IPO9: variants seen among roughly 807,000 people sequenced by gnomAD.
IPO9 encodes the protein importin 9, also known as importin-9.
In IPO9, 28 loss-of-function variants were observed where a neutral mutation model predicts 128.6. The ratio of observed to expected loss-of-function variants is 0.22; its 90% confidence interval spans 0.16 to 0.30. IPO9 has a LOEUF of 0.30. Ranked by LOEUF, IPO9 falls within the 10% of genes least tolerant of loss-of-function variation. The pLI is 1.00. For missense variants in IPO9, 935 were observed against 1,293.9 expected, an observed-to-expected ratio of 0.72 and a Z score of 4.26; for synonymous variants, 455 against 475.8, an observed-to-expected ratio of 0.96 and a Z score of 0.57.
chr1:201,830,320 A>G (rs192845275), intron 1 of IPO9, among the ~76,000 whole-genome samples: 21 of 152,220 alleles, frequency 1.4e-4, no homozygotes, highest in Admixed American at 1.4e-3. Context: ...GATATGGGAA[A>G]TTGTCCCATC....
chr1:201,860,904 A>G (rs1250092350), intron 13 of IPO9, among the ~76,000 whole-genome samples: 1 of 152,230 alleles, frequency 6.6e-6, no homozygotes, highest in African/African-American at 2.4e-5. Context: ...ATGGTGGCTT[A>G]TGCCTGTAAC....
At chr1:201,875,864 C>A in intron 23 of IPO9, 80 bp from the exon 24 acceptor site, 1 of 841,642 alleles carries the variant, frequency 1.2e-6, no homozygotes, top group Non-Finnish European at 2.0e-6. Context: ...TTCCCTGTGC[C>A]ATTTGATTGT....
chr1:201,857,614 G>T (rs1354270923), intron 11 of IPO9, among the ~76,000 whole-genome samples: 1 of 152,094 alleles, frequency 6.6e-6, no homozygotes, highest in Non-Finnish European at 1.5e-5. Flanking sequence ...TGACCAACAT[G>T]GAGAAACCCC....
At chr1:201,874,147 AGG>A (rs761755510) in intron 20 of IPO9, 101 bp from the exon 21 acceptor site, 2 of 1,185,790 alleles carry the variant, frequency 1.7e-6, no homozygotes. Context: ...TGAAAGTCTG[AGG>A]GGTGGTGAAC....
intron 20 of IPO9, 85 bp downstream of exon 20, chr1:201,873,046 T>C (rs1680687488): frequency 7.2e-7 from 1 of 1,381,496 alleles, no homozygotes; most frequent in East Asian, 2.5e-5. Context: ...TGCACTGTGG[T>C]GTATATTTTT....
At chr1:201,863,241 A>G (rs890450809) in intron 13 of IPO9, 2 of 331,538 alleles carry the variant, frequency 6.0e-6, no homozygotes, top group Non-Finnish European at 5.6e-6. Flanking sequence ...GATCCCAACT[A>G]CTCAGGAGGC....
chr1:201,863,454 C>T lies in IPO9; in HGVS notation c.1475C>T (p.Pro492Leu). Residue 492 changes from proline to leucine, a missense_variant, in exon 14 of 24, where the codon CCT becomes CTT. Physicochemically the swap from Pro to Leu is moderately conservative, Grantham distance 98. Transcript: ENST00000361565. ...TGTTCTGTCTTTCTCCCAGTGTCTCCTTTCCTCTTGGGCCGGGCACTTTGG... is the reference window on the plus strand; with the variant it reads ...TGTTCTGTCTTTCTCCCAGTGTCTCTTTTCCTCTTGGGCCGGGCACTTTGG... The part of the protein sequence containing the change: ...ILADLNLSVS[P>L]FLLGRALWAA... 6.4e-7 allele frequency: 1 copy of T among 1,570,692 alleles called. No individual in the cohort carries two copies. Among genetic ancestry groups the T allele is most frequent in the East Asian group, 2.3e-5 (1 of 44,092 alleles).
chr1:201,858,416 A>G, intron 11 of IPO9, 31 bp from the exon 12 acceptor site: 1 of 1,309,294 alleles, frequency 7.6e-7, no homozygotes, highest in African/African-American at 1.5e-5. Flanking sequence ...AATGGGCACA[A>G]ACAGATTTAT....
Position 201,851,133 on chromosome 1 carries a change from A to G in IPO9, c.515-971A>G, listed in dbSNP as rs565512758. Among the ~76,000 whole-genome samples the G allele has an allele frequency of 5.9e-3, 888 of 151,054 alleles. 9 individuals are homozygous for G. The highest frequency in any genetic ancestry group is 0.02 in the African/African-American group (835 of 41,076). On this transcript the variant is annotated intron_variant, in intron 4 of 23. Transcript: ENST00000361565. ...TGGGCTCAAGCGAGCCTCCTGCCTC[A>G]GCATCCTAAGTAGCTGGGACTGCAG...
In IPO9 at chr1:201,847,556, C is replaced by T; in HGVS notation, c.230C>T (p.Ala77Val). ...CTTGGCTTATTCTCTTCACAGCTGG[C>T]ATCAGTCATCTTGAAACAATATGTG... ...PQGALAIRQL[A>V]SVILKQYVET... The change falls in exon 3 of 24, where the codon GCA becomes GTA. Residue 77 changes from alanine to valine, a missense_variant. Ala to Val is a moderately conservative substitution (Grantham distance 64). Around this residue, in one of 3 missense-constraint regions of IPO9, gnomAD observed 741 missense variants for 1,019.1 expected, o/e 0.73. Coordinates refer to ENST00000361565, the MANE Select transcript of IPO9 (RefSeq NM_018085.5). The T allele has an allele frequency of 6.2e-7, 1 of 1,613,692 alleles. No individual in the cohort carries two copies. Among genetic ancestry groups the T allele is most frequent in the East Asian group, 2.2e-5 (1 of 44,870 alleles).
intron 1 of IPO9, among the ~76,000 whole-genome samples, chr1:201,836,968 T>G (rs1292620735): frequency 6.6e-6 from 1 of 152,262 alleles, no homozygotes; most frequent in African/African-American, 2.4e-5. Context: ...TATCTGCTTT[T>G]GAGCAAATAT....
At chr1:201,856,846 C>T (rs1680338118) in intron 10 of IPO9, among the ~76,000 whole-genome samples, 1 of 152,106 alleles carries the variant, frequency 6.6e-6, no homozygotes, top group Non-Finnish European at 1.5e-5. Flanking sequence ...GCCACCATGC[C>T]CAGTTGACTT....
chr1:201,866,668 G>C, intron 14 of IPO9, 65 bp from the exon 15 acceptor site: 1 of 1,232,424 alleles, frequency 8.1e-7, no homozygotes, highest in Non-Finnish European at 1.2e-6. Flanking sequence ...TAATATGTGA[G>C]ATTGATTGGG....
At chr1:201,852,215 T>C (rs1260858235) in intron 5 of IPO9, 23 bp downstream of exon 5, 1 of 1,478,862 alleles carries the variant, frequency 6.8e-7, no homozygotes, top group Non-Finnish European at 9.5e-7. Flanking sequence ...AGCTCCAAGA[T>C]TATAGTGAGT....
At chr1:201,852,968 C>G (rs766873523) in intron 5 of IPO9, 43 bp from the exon 6 acceptor site, 3 of 1,481,102 alleles carry the variant, frequency 2.0e-6, no homozygotes, top group Middle Eastern at 1.7e-4. Flanking sequence ...CCTACACACT[C>G]CAGTCTCGTG....
chr1:201,841,889 C>A (rs1004995751), intron 1 of IPO9, among the ~76,000 whole-genome samples: 1 of 152,120 alleles, frequency 6.6e-6, no homozygotes, highest in Non-Finnish European at 1.5e-5. Context: ...TTAGGAAAAA[C>A]AAACCATTTT....
chr1:201,852,889 C>A, intron 5 of IPO9, 122 bp from the exon 6 acceptor site: 1 of 735,360 alleles, frequency 1.4e-6, no homozygotes, highest in South Asian at 1.7e-5. Context: ...TCCCATTTCT[C>A]GAGGGCATCC....
Position 201,866,605 on chromosome 1 carries a change from A to G in IPO9, c.1629-128A>G. The G allele has an allele frequency of 6.1e-6, 4 of 654,116 alleles. No individual in the cohort carries two copies. The Admixed American group carries it at 1.1e-4, about 19-fold the overall frequency. 40.5% of individuals were successfully genotyped at this position (654,116 alleles called of 1,614,324 possible). On this transcript the variant is annotated intron_variant, in intron 14 of 23. Transcript: ENST00000361565. ...TATAATACATCCAGAAAGAAGTAGA[A>G]ACTTAAACCTAACTTTAGAATTAGC...
At chr1:201,851,080 G>C (rs1282877502) in intron 4 of IPO9, among the ~76,000 whole-genome samples, 1 of 151,726 alleles carries the variant, frequency 6.6e-6, no homozygotes, top group Non-Finnish European at 1.5e-5. Flanking sequence ...CAGTGGCACT[G>C]TTGTAGCTCA....
Sources: gnomAD v4.1 joint callset for allele counts (sites outside exome capture counted in the v4.1 genomes callset) on GRCh38, gnomAD v4.1.1 for gene constraint, gnomAD v4.1.1 regional missense constraint, MANE v1.5 for transcripts, NCBI Gene and HGNC (gene_info 2026-07-23, HGNC 2026-07-21) for gene names.